Variants in MERTK observed in about 807,000 individuals in gnomAD.
MERTK encodes MER proto-oncogene, tyrosine kinase.
Under a neutral mutation model 99.3 loss-of-function variants are expected in MERTK, and 69 were observed. The ratio of observed to expected loss-of-function variants is 0.70; its 90% CI spans 0.57 to 0.85. MERTK has a LOEUF of 0.85. MERTK is among the 40% of genes least tolerant of loss of function. The pLI is 0.00. For missense variants in MERTK, 1,125 were observed against 1,249.4 expected, an observed-to-expected ratio of 0.90 and a Z score of 1.50; for synonymous variants, 426 against 467.6, an observed-to-expected ratio of 0.91 and a Z score of 1.15.
chr2:111,927,802 G>A (rs1204357031), intron 1 of MERTK, among the ~76,000 whole-genome samples: 2 of 152,208 alleles, frequency 1.3e-5, no homozygotes, highest in South Asian at 2.1e-4. Flanking sequence ...CAGGAGCCCA[G>A]GAGGGCATGA....
chr2:111,948,558 A>C (rs1685001411), intron 4 of MERTK, among the ~76,000 whole-genome samples: 1 of 152,136 alleles, frequency 6.6e-6, no homozygotes, highest in South Asian at 2.1e-4. Flanking sequence ...TCTTAACCCC[A>C]GACTTGTTCC....
chr2:111,946,477 G>A (rs1516627), intron 3 of MERTK, among the ~76,000 whole-genome samples: 93,907 of 152,016 alleles, frequency 0.62, 29,369 homozygotes, highest in Middle Eastern at 0.69. Flanking sequence ...TGCCCCAAAT[G>A]AGTACTGACT....
chr2:111,906,079 C>CT (rs56888418), intron 1 of MERTK, among the ~76,000 whole-genome samples: 148,552 of 152,324 alleles, frequency 0.98, 72,550 homozygotes, highest in Middle Eastern at 1. Context: ...TACTCTGTGC[C>CT]TCCATGTATT....
At chr2:112,014,401 G>C (rs925489048) in intron 15 of MERTK, among the ~76,000 whole-genome samples, 1 of 151,010 alleles carries the variant, frequency 6.6e-6, no homozygotes, top group African/African-American at 2.4e-5. Flanking sequence ...CCGACCTCAA[G>C]TGATCAGCCG....
intron 4 of MERTK, among the ~76,000 whole-genome samples, chr2:111,953,565 T>C (rs1178426952): frequency 6.7e-6 from 1 of 150,050 alleles, no homozygotes. Flanking sequence ...CCAAGATCTG[T>C]ACATTGTTCT....
intron 4 of MERTK, among the ~76,000 whole-genome samples, chr2:111,962,456 G>A (rs965060640): frequency 6.6e-6 from 1 of 152,124 alleles, no homozygotes; most frequent in Non-Finnish European, 1.5e-5. Flanking sequence ...GTAGTGAGCC[G>A]GGATTGCACC....
chr2:111,905,707 G>A (rs2104660417), intron 1 of MERTK, among the ~76,000 whole-genome samples: 1 of 152,200 alleles, frequency 6.6e-6, no homozygotes, highest in South Asian at 2.1e-4. Flanking sequence ...GGCCTCAGGT[G>A]ATTGGCCCAC....
chr2:111,967,145 A>G (rs1286776284), intron 5 of MERTK, among the ~76,000 whole-genome samples: 5 of 152,154 alleles, frequency 3.3e-5, no homozygotes, highest in African/African-American at 1.2e-4. Flanking sequence ...GCCCTTGGCA[A>G]TAGGCCTCCA....
chr2:111,964,410 C>T (rs935866042), intron 4 of MERTK, among the ~76,000 whole-genome samples: 14 of 148,812 alleles, frequency 9.4e-5, no homozygotes, highest in East Asian at 2.0e-4. Flanking sequence ...CGCGCGCGCA[C>T]GCGCATGTGT....
chr2:111,996,317 C>G (rs576794757), intron 9 of MERTK: 1 of 154,170 alleles, frequency 6.5e-6, no homozygotes, highest in Admixed American at 6.5e-5. Context: ...CACCAACCAT[C>G]GTAGAAATAA....
chr2:111,994,143 T>C, intron 8 of MERTK, 108 bp from the exon 9 acceptor site: 2 of 1,279,780 alleles, frequency 1.6e-6, no homozygotes, highest in Non-Finnish European at 2.3e-6. Flanking sequence ...GTGTGGCTTC[T>C]GGCCTCGGAC....
chr2:112,027,683 A>G (rs1677496278), intron 18 of MERTK, among the ~76,000 whole-genome samples: 2 of 152,128 alleles, frequency 1.3e-5, no homozygotes, highest in African/African-American at 4.8e-5. Flanking sequence ...CCCTGAGCCC[A>G]CTGTCATCTT....
Position 111,898,780 on chromosome 2 carries a change from C to G in MERTK, c.45C>G (p.Pro15=). 3 of 1,598,022 alleles carry G rather than the reference C, an allele frequency of 1.9e-6. No individual in the cohort carries two copies. Among genetic ancestry groups the G allele is most frequent in the African/African-American group, 1.3e-5 (1 of 74,786 alleles). The change falls in exon 1 of 19, where the codon CCC becomes CCG. Residue 15 remains proline, a synonymous_variant. Transcript: ENST00000295408. ...PLPLLLGLFL[P]ALWRRAITEA... ...CGCTGCTGCTGGGCCTCTTCCTCCCCGCGCTCTGGCGTAGAGGTGAGTGCG... is the reference window on the plus strand; with the variant it reads ...CGCTGCTGCTGGGCCTCTTCCTCCCGGCGCTCTGGCGTAGAGGTGAGTGCG...
chr2:111,971,500 CGTTGTT>C (rs201723338), intron 6 of MERTK, among the ~76,000 whole-genome samples: 3 of 151,710 alleles, frequency 2.0e-5, no homozygotes, highest in Admixed American at 6.6e-5. Context: ...ATAAGGTTTT[CGTTGTT>C]GTTGTTGTTG....
At chr2:111,979,551 G>T (rs934012490) in intron 7 of MERTK, among the ~76,000 whole-genome samples, 1 of 151,722 alleles carries the variant, frequency 6.6e-6, no homozygotes, top group African/African-American at 2.4e-5. Context: ...CTTTGGAAAT[G>T]TTCCACTCTC....
At chr2:112,028,068 C>CGTGAG (rs1677505978) in intron 18 of MERTK, 2 of 456,920 alleles carry the variant, frequency 4.4e-6, no homozygotes, top group South Asian at 4.5e-5. Flanking sequence ...TTGCCCGCCG[C>CGTGAG]CATATAAAGA....
Position 111,997,435 on chromosome 2 carries a change from C to T in MERTK, c.1563C>T (p.Ile521=). The stretch of plus-strand genomic sequence containing the variant: ...TTTTGATTGGGTTGATTTTATACAT[C>T]TCCTTGGCCATCAGAAAAAGAGTCC... The part of the protein sequence containing the change: ...GFILIGLILY[I]SLAIRKRVQE... The change falls in exon 10 of 19, where the codon ATC becomes ATT. Residue 521 remains isoleucine (I), a synonymous_variant. Coordinates refer to ENST00000295408, the MANE Select transcript of MERTK (RefSeq NM_006343.3). 6.2e-7 allele frequency: 1 copy of T among 1,614,086 alleles called. No homozygotes were observed. Among genetic ancestry groups the T allele is most frequent in the Non-Finnish European group, 8.5e-7 (1 of 1,179,986 alleles).
chr2:112,007,042 A>G (rs1226608886), intron 13 of MERTK, among the ~76,000 whole-genome samples: 1 of 152,188 alleles, frequency 6.6e-6, no homozygotes, highest in Non-Finnish European at 1.5e-5. Context: ...GTGGCAACAT[A>G]TACATAATAT....
chr2:111,993,024 G>A (rs1676661292), intron 8 of MERTK, among the ~76,000 whole-genome samples: 1 of 152,188 alleles, frequency 6.6e-6, no homozygotes, highest in South Asian at 2.1e-4. Context: ...AACTGGGTTG[G>A]AGAATGCCCA....
Sources: gnomAD v4.1 joint callset for allele counts (sites outside exome capture counted in the v4.1 genomes callset) on GRCh38, gnomAD v4.1.1 for gene constraint, MANE v1.5 for transcripts, NCBI Gene and HGNC (gene_info 2026-07-23, HGNC 2026-07-21) for gene names.